TUSC3: variants seen among roughly 807,000 people sequenced by gnomAD.
TUSC3 encodes the protein tumor suppressor candidate 3.
In TUSC3, 45 loss-of-function variants were observed where a neutral mutation model predicts 44.8. That is an observed-to-expected ratio of 1.00 (90% CI 0.79 to 1.29). The LOEUF (loss-of-function observed/expected upper bound fraction) is 1.29. TUSC3 is among the 50% of genes most tolerant of loss of function. The pLI is 0.00. For synonymous variants in TUSC3, 212 were observed against 152.9 expected (o/e 1.39, Z -2.85); for missense variants, 519 against 437.9 (o/e 1.19, Z -1.65).
intron 6 of TUSC3, among the ~76,000 whole-genome samples, chr8:15,715,287 G>C (rs1368272166): frequency 6.6e-6 from 1 of 152,050 alleles, no homozygotes; most frequent in Non-Finnish European, 1.5e-5. Context: ...ATAATTAATA[G>C]TGAAATAGAA....
At chr8:15,753,277 TG>T (rs1031694345) in intron 9 of TUSC3, among the ~76,000 whole-genome samples, 2 of 152,046 alleles carry the variant, frequency 1.3e-5, no homozygotes, top group Non-Finnish European at 2.9e-5. Context: ...CCTTCTAATA[TG>T]TCCGTTCAGC....
intron 2 of TUSC3, among the ~76,000 whole-genome samples, chr8:15,504,580 T>TAG (rs1258840399): frequency 1.9e-3 from 36 of 19,218 alleles, no homozygotes; most frequent in South Asian, 8.8e-3. Context: ...ACTTTCAGGA[T>TAG]ATATATATAT....
the TUSC3 span, among the ~76,000 whole-genome samples, chr8:15,791,839 C>T: frequency 6.6e-6 from 1 of 152,106 alleles, no homozygotes; most frequent in South Asian, 2.1e-4. Context: ...TTCACCACTC[C>T]AGCTCATCAA....
chr8:15,610,224 C>T (rs1041712685), intron 1 of TUSC3, among the ~76,000 whole-genome samples: 12 of 152,018 alleles, frequency 7.9e-5, no homozygotes, highest in African/African-American at 2.7e-4. Context: ...CATAAAATTC[C>T]ATACATTCAT....
intron 1 of TUSC3, among the ~76,000 whole-genome samples, chr8:15,551,699 G>A (rs2129136764): frequency 6.6e-6 from 1 of 151,818 alleles, no homozygotes; most frequent in South Asian, 2.1e-4. Context: ...GAAGTTATTT[G>A]TCTTAGTCAT....
chr8:15,586,694 T>C (rs17657878), intron 1 of TUSC3, among the ~76,000 whole-genome samples: 34,842 of 152,058 alleles, frequency 0.23, 4,151 homozygotes, highest in East Asian at 0.45. Context: ...GAGAACTGAA[T>C]GCTATTGAAA....
the TUSC3 span, among the ~76,000 whole-genome samples, chr8:15,785,790 A>G: frequency 6.6e-6 from 1 of 151,010 alleles, no homozygotes; most frequent in Non-Finnish European, 1.5e-5. Context: ...CATTCTAGCT[A>G]CCATAATGAG....
chr8:15,537,536 G>C (rs1017904820), upstream of TUSC3, among the ~76,000 whole-genome samples: 13 of 152,146 alleles, frequency 8.5e-5, no homozygotes, highest in Admixed American at 7.2e-4. Context: ...TTTGACTCTT[G>C]TCATCAACCT....
intron 1 of TUSC3, 109 bp downstream of exon 1, chr8:15,540,677 C>T: frequency 7.2e-7 from 1 of 1,380,202 alleles, no homozygotes; most frequent in South Asian, 1.6e-5. Flanking sequence ...CCGGCGTGGG[C>T]GATGCCGGCG....
intron 10 of TUSC3, among the ~76,000 whole-genome samples, chr8:15,759,179 A>G (rs1252242981): frequency 1.3e-5 from 2 of 152,170 alleles, no homozygotes; most frequent in African/African-American, 2.4e-5. Context: ...ATCTGTGCTT[A>G]GTGAACAACC....
intron 9 of TUSC3, among the ~76,000 whole-genome samples, chr8:15,753,225 T>TA (rs1181944699): frequency 1.3e-5 from 2 of 152,008 alleles, no homozygotes; most frequent in African/African-American, 2.4e-5. Context: ...CTGTCCAATT[T>TA]AAAAAATCCC....
chr8:15,679,421 C>T (rs1031590596), intron 6 of TUSC3, among the ~76,000 whole-genome samples: 1 of 152,078 alleles, frequency 6.6e-6, no homozygotes, highest in Non-Finnish European at 1.5e-5. Context: ...CGTATCAGTT[C>T]ATATCCTTTG....
intron 1 of TUSC3, among the ~76,000 whole-genome samples, chr8:15,591,964 A>G (rs1259395254): frequency 6.6e-6 from 1 of 152,202 alleles, no homozygotes; most frequent in Non-Finnish European, 1.5e-5. Flanking sequence ...ATGGGAGAAA[A>G]CAAGTGGAAA....
intron 2 of TUSC3, among the ~76,000 whole-genome samples, chr8:15,530,383 GCTA>G (rs1801434139): frequency 6.6e-6 from 1 of 152,176 alleles, no homozygotes; most frequent in African/African-American, 2.4e-5. Context: ...TTCTAGAAAA[GCTA>G]CTATCATAAT....
chr8:15,521,318 C>G (rs760185153), intron 2 of TUSC3, among the ~76,000 whole-genome samples: 1 of 152,030 alleles, frequency 6.6e-6, no homozygotes, highest in African/African-American at 2.4e-5. Context: ...CATGCAGTGA[C>G]AATATACCCT....
At chr8:15,466,350 A>C (rs1248139590) in intron 1 of TUSC3, among the ~76,000 whole-genome samples, 1 of 152,160 alleles carries the variant, frequency 6.6e-6, no homozygotes, top group East Asian at 1.9e-4. Context: ...ACAGAACCTT[A>C]ATACTCAAAG....
intron 1 of TUSC3, among the ~76,000 whole-genome samples, chr8:15,572,578 A>G (rs1802917900): frequency 6.6e-6 from 1 of 152,138 alleles, no homozygotes; most frequent in Non-Finnish European, 1.5e-5. Flanking sequence ...AACTTGTCTA[A>G]CTGTTCGGTG....
At chr8:15,602,503 G>A (rs899648608) in intron 1 of TUSC3, among the ~76,000 whole-genome samples, 12 of 151,474 alleles carry the variant, frequency 7.9e-5, no homozygotes, top group African/African-American at 2.9e-4. Context: ...TTCTCTTGGT[G>A]GAAGGAGGAA....
chr8:15,679,958 A>G (rs1808348828), intron 6 of TUSC3, among the ~76,000 whole-genome samples: 1 of 152,032 alleles, frequency 6.6e-6, no homozygotes, highest in Non-Finnish European at 1.5e-5. Context: ...CTATTTTTGT[A>G]CCAATACCAT....
Sources: gnomAD v4.1 joint callset for allele counts (sites outside exome capture counted in the v4.1 genomes callset) on GRCh38, gnomAD v4.1.1 for gene constraint, MANE v1.5 for transcripts, NCBI Gene and HGNC (gene_info 2026-07-23, HGNC 2026-07-21) for gene names.